ATP2C1: variants seen among roughly 807,000 people sequenced by gnomAD.
ATP2C1 encodes the protein calcium-transporting ATPase type 2C member 1.
In ATP2C1, 31 loss-of-function variants were observed where a neutral mutation model predicts 120.5. The ratio of observed to expected loss-of-function variants is 0.26; its 90% CI spans 0.19 to 0.35. The LOEUF is 0.35. ATP2C1 is among the 10% of genes least tolerant of loss of function. ATP2C1 has a pLI of 1.00. For missense variants in ATP2C1, 731 were observed against 1,107.5 expected (o/e 0.66, Z 4.83); for synonymous variants, 351 against 358.7 (o/e 0.98, Z 0.24).
chr3:130,934,855 A>G (rs1308661891), intron 5 of ATP2C1, 144 bp downstream of exon 5: 2 of 674,862 alleles, frequency 3.0e-6, no homozygotes, highest in East Asian at 5.5e-5. Context: ...TTTTGTTGCG[A>G]CAGTTTCTTG....
At chr3:130,912,314 A>C (rs1196939721) in intron 2 of ATP2C1, among the ~76,000 whole-genome samples, 8 of 150,200 alleles carry the variant, frequency 5.3e-5, no homozygotes, top group South Asian at 4.2e-4. Context: ...AGTGAACAGG[A>C]AACCTACAAA....
In ATP2C1 at chr3:130,959,316, C is replaced by G. The variant is rs1349846001; in HGVS notation, c.874C>G (p.Leu292Val). 2.5e-6 allele frequency: 4 copies of G among 1,608,238 alleles called. No individual in the cohort carries two copies. The highest frequency in any genetic ancestry group is 3.4e-6 in the Non-Finnish European group (4 of 1,175,560). Reference protein sequence around the residue: ...LVGWLLGKDILEMFTISVSLA... With the variant: ...LVGWLLGKDIVEMFTISVSLA... Reference sequence around the variant, plus strand: ...TGGCTGGTTACTGGGAAAAGATATCCTGGAAATGTTTACTATTAGTGTAAG... The same window carrying G: ...TGGCTGGTTACTGGGAAAAGATATCGTGGAAATGTTTACTATTAGTGTAAG... Residue 292 changes from leucine (L) to valine (V), a missense_variant, in exon 12 of 28, where the codon CTG becomes GTG. Transcript: ENST00000510168.
intron 2 of ATP2C1, among the ~76,000 whole-genome samples, chr3:130,895,197 T>G (rs1576617063): frequency 6.6e-6 from 1 of 152,188 alleles, no homozygotes; most frequent in South Asian, 2.1e-4. Flanking sequence ...GATTCATTTA[T>G]AAGAAAGCAA....
chr3:131,005,674 T>TG (rs1304735869), downstream of ATP2C1, among the ~76,000 whole-genome samples: 1 of 152,234 alleles, frequency 6.6e-6, no homozygotes, highest in Non-Finnish European at 1.5e-5. Flanking sequence ...ATCCATTTTT[T>TG]TTGTTGTTGT....
Position 131,002,818 on chromosome 3 carries a change from T to G in ATP2C1, c.*1468T>G. The G allele has an allele frequency of 1.0e-6, 1 of 985,744 alleles. No homozygotes were observed. Among genetic ancestry groups the G allele is most frequent in the Non-Finnish European group, 1.2e-6 (1 of 829,910 alleles). The allele number at this position is 985,744 out of a possible 1,614,324, so 61.1% of individuals were successfully genotyped here. A position where few individuals can be genotyped will look rare whatever the true frequency, so the allele number is the denominator to read the frequency against. On this transcript the variant is annotated 3_prime_UTR_variant, in exon 28 of 28. Transcript: ENST00000510168. Reference sequence around the variant, plus strand: ...ATAGGGAAAATATCTATTCTTTGAGTCATTGTTACTGAGGCAGTTGAGTGT... The same window carrying G: ...ATAGGGAAAATATCTATTCTTTGAGGCATTGTTACTGAGGCAGTTGAGTGT...
chr3:130,899,681 T>C (rs1341046905), intron 2 of ATP2C1: 1 of 152,128 alleles, frequency 6.6e-6, no homozygotes, highest in East Asian at 1.9e-4. Flanking sequence ...ATTACACCAA[T>C]TGTGTTAAAT....
chr3:130,964,116 T>C (rs754879878), intron 13 of ATP2C1, 21 bp downstream of exon 13: 1 of 1,611,608 alleles, frequency 6.2e-7, no homozygotes, highest in Admixed American at 1.7e-5. Flanking sequence ...GTTAAGAGCA[T>C]TCTTATGCAA....
intron 19 of ATP2C1, 85 bp from the exon 20 acceptor site, chr3:130,980,497 A>C (rs2061707521): frequency 1.1e-6 from 1 of 922,108 alleles, no homozygotes; most frequent in Admixed American, 1.8e-5. Flanking sequence ...ACAGATAACA[A>C]ATCATACTAA....
At chr3:130,901,983 A>C (rs2057851825) in intron 2 of ATP2C1, among the ~76,000 whole-genome samples, 1 of 152,038 alleles carries the variant, frequency 6.6e-6, no homozygotes, top group African/African-American at 2.4e-5. Context: ...TCCGTAAGAC[A>C]GCATCTTCTA....
At chr3:130,991,423 G>A (rs1187549630) in intron 20 of ATP2C1, among the ~76,000 whole-genome samples, 1 of 152,074 alleles carries the variant, frequency 6.6e-6, no homozygotes, top group East Asian at 1.9e-4. Flanking sequence ...GAGAATGGGA[G>A]ACAGCAAGTA....
chr3:130,983,107 T>G (rs7646587), intron 20 of ATP2C1, among the ~76,000 whole-genome samples: 24,313 of 151,828 alleles, frequency 0.16, 3,901 homozygotes, highest in African/African-American at 0.39. Flanking sequence ...TATATATATA[T>G]AGAGAGAGAG....
Position 130,911,056 on chromosome 3 carries a change from T to C in ATP2C1, c.6+16281T>C, listed in dbSNP as rs985394527. On this transcript the variant is annotated intron_variant, in intron 2 of 27. Transcript: ENST00000510168. ...TCCTCCTTGTACCTCTGATAGAATT[T>C]GGCTGTGAATCCATCTGGTCCTGGA... 6.0e-4 allele frequency among the ~76,000 whole-genome samples: 92 copies of C among 152,142 alleles called. 1 individual carries two copies. The East Asian group carries it at 0.015, about 24-fold the overall frequency.
intron 2 of ATP2C1, among the ~76,000 whole-genome samples, chr3:130,917,696 T>C (rs1464443275): frequency 6.6e-6 from 1 of 152,262 alleles, no homozygotes; most frequent in Non-Finnish European, 1.5e-5. Flanking sequence ...TAATGAATTT[T>C]AAAGTATACA....
At chr3:130,862,354 A>ATTTATTTT (rs944381018) in intron 1 of ATP2C1, among the ~76,000 whole-genome samples, 3 of 145,942 alleles carry the variant, frequency 2.1e-5, no homozygotes, top group Non-Finnish European at 4.5e-5. Flanking sequence ...TTATTTATTT[A>ATTTATTTT]TTTTTAGTAA....
intron 2 of ATP2C1, chr3:130,918,335 T>G: frequency 6.4e-7 from 1 of 1,561,706 alleles, no homozygotes. Context: ...CAGGAGTTGT[T>G]GATTCAAGAC....
At chr3:130,909,355 T>C (rs2058284998) in intron 2 of ATP2C1, among the ~76,000 whole-genome samples, 3 of 152,212 alleles carry the variant, frequency 2.0e-5, no homozygotes, top group Non-Finnish European at 2.9e-5. Context: ...GTTCTGTCTT[T>C]AGGGAGAATG....
At position 130,902,114 on chromosome 3, in the gene ATP2C1, T is replaced by C. The variant is rs116931168; in HGVS notation, c.6+7339T>C. Among the ~76,000 whole-genome samples, 1,248 of 152,086 alleles carry C rather than the reference T, an allele frequency of 8.2e-3. 32 individuals are homozygous for C. The highest frequency in any genetic ancestry group is 0.067 in the East Asian group (347 of 5,172). On this transcript the variant is annotated intron_variant, in intron 2 of 27. Coordinates refer to ENST00000510168, the MANE Select transcript of ATP2C1 (RefSeq NM_001378687.1). ...CTCTAAGCCTTGGTTTCCTCACTTGTAAAGAGATTATGACTACTTCAGGTT... is the reference window on the plus strand; with the variant it reads ...CTCTAAGCCTTGGTTTCCTCACTTGCAAAGAGATTATGACTACTTCAGGTT...
intron 17 of ATP2C1, among the ~76,000 whole-genome samples, chr3:130,972,642 T>G (rs1348011287): frequency 6.6e-5 from 7 of 105,462 alleles, no homozygotes; most frequent in Non-Finnish European, 8.8e-5. Context: ...CCCACAACAG[T>G]CCCCAGAGTG....
chr3:130,949,667 C>T (rs113959293), intron 8 of ATP2C1, among the ~76,000 whole-genome samples: 9,223 of 152,122 alleles, frequency 0.061, 389 homozygotes, highest in Non-Finnish European at 0.095. Flanking sequence ...AGAAAGTTAG[C>T]AATTTATGTA....
Sources: allele counts gnomAD v4.1 joint callset (sites outside exome capture counted in the v4.1 genomes callset), GRCh38; gene constraint gnomAD v4.1.1; transcripts MANE v1.5; gene names NCBI Gene and HGNC (gene_info 2026-07-23, HGNC 2026-07-21).